Variants in USP3 observed in about 807,000 individuals in gnomAD.
The protein encoded by USP3 is ubiquitin carboxyl-terminal hydrolase 3.
Under a neutral mutation model 72.3 loss-of-function variants are expected in USP3, and 20 were observed. The observed-to-expected ratio is 0.28, with a 90% CI of 0.19 to 0.40. The LOEUF is 0.40. USP3 is among the 10% of genes least tolerant of loss of function. The pLI is 1.00. For missense variants in USP3, 479 were observed against 633.9 expected (o/e 0.76, Z 2.62); for synonymous variants, 222 against 225.3 (o/e 0.99, Z 0.13).
intron 5 of USP3, among the ~76,000 whole-genome samples, chr15:63,557,545 G>A (rs2066533181): frequency 6.6e-6 from 1 of 152,190 alleles, no homozygotes; most frequent in African/African-American, 2.4e-5. Context: ...GTACAGGCAT[G>A]AGCCACCACA....
intron 11 of USP3, among the ~76,000 whole-genome samples, chr15:63,577,922 C>A (rs1275164860): frequency 1.0e-5 from 1 of 98,684 alleles, no homozygotes; most frequent in South Asian, 2.9e-4. Flanking sequence ...GAGTGAGACC[C>A]TGCCTCAAAA....
intron 11 of USP3, among the ~76,000 whole-genome samples, chr15:63,577,808 A>C (rs1337127033): frequency 6.6e-6 from 1 of 152,078 alleles, no homozygotes; most frequent in African/African-American, 2.4e-5. Flanking sequence ...ATATGCCTAT[A>C]ATCCCAGCTT....
intron 1 of USP3, among the ~76,000 whole-genome samples, chr15:63,521,108 C>T (rs2065914513): frequency 6.7e-6 from 1 of 149,466 alleles, no homozygotes; most frequent in African/African-American, 2.5e-5. Flanking sequence ...TTTTTTCCCT[C>T]ACAAAAGATA....
intron 3 of USP3, chr15:63,542,005 C>G (rs539128324): frequency 2.1e-6 from 2 of 974,050 alleles, no homozygotes; most frequent in Non-Finnish European, 2.4e-6. Context: ...TGTTTCTTTA[C>G]TGTTGCATAA....
chr15:63,520,725 G>C (rs538621586), intron 1 of USP3, among the ~76,000 whole-genome samples: 1 of 151,590 alleles, frequency 6.6e-6, no homozygotes, highest in Admixed American at 6.6e-5. Context: ...CACCATGTCC[G>C]GCCAATTTTT....
At chr15:63,517,556 G>A (rs1300224489) in intron 1 of USP3, among the ~76,000 whole-genome samples, 1 of 152,218 alleles carries the variant, frequency 6.6e-6, no homozygotes, top group Non-Finnish European at 1.5e-5. Context: ...CTTGTCCACA[G>A]TGGGCTTCAC....
In USP3 at chr15:63,570,633, T is replaced by C. The variant is rs758663073; in HGVS notation, c.908+54T>C. ...GGAGGGCCTCAGACATTTCTTTTGG[T>C]GTTAATTATGTGTTAGATTTATAAC... On this transcript the variant is annotated intron_variant, in intron 9 of 14. Coordinates refer to ENST00000380324, the MANE Select transcript of USP3 (RefSeq NM_006537.4). The surrounding 1 kb of genome is among the most constrained non-coding windows in gnomAD (Gnocchi z 4.4). 3 of 1,551,990 alleles carry C rather than the reference T, an allele frequency of 1.9e-6. No homozygotes were observed. The highest frequency in any genetic ancestry group is 1.3e-5 in the South Asian group (1 of 79,926).
At chr15:63,565,291 TTTC>T (rs1452575011) in intron 8 of USP3, among the ~76,000 whole-genome samples, 1 of 152,192 alleles carries the variant, frequency 6.6e-6, no homozygotes, top group Non-Finnish European at 1.5e-5. Flanking sequence ...AAGCCTATTC[TTTC>T]TTTTTTTTCC....
At chr15:63,536,224 C>G (rs1306879526) in intron 2 of USP3, among the ~76,000 whole-genome samples, 1 of 152,132 alleles carries the variant, frequency 6.6e-6, no homozygotes, top group Non-Finnish European at 1.5e-5. Context: ...TGGATTATTT[C>G]TAAACAAACA....
At chr15:63,548,933 A>T (rs1595737605) in intron 3 of USP3, among the ~76,000 whole-genome samples, 1 of 152,354 alleles carries the variant, frequency 6.6e-6, no homozygotes, top group South Asian at 2.1e-4. Context: ...ATTTTGGAGC[A>T]GGTAGTATCT....
rs1412449387 is a variant in USP3, at chr15:63,544,045, A to T, written c.284+6889A>T. On this transcript the variant is annotated intron_variant, in intron 3 of 14. Transcript: ENST00000380324. This position sits in a 1 kb window ranked among gnomAD's most constrained non-coding sequence, Gnocchi z 4.2. ...GGCAACACAGGGAGACACTGTCTTT[A>T]AAAAAAAAAAAAAAGGAAATTAGTT... Among the ~76,000 whole-genome samples, 5 of 132,332 alleles carry T rather than the reference A, an allele frequency of 3.8e-5. No individual in the cohort carries two copies. The highest frequency in any genetic ancestry group is 2.1e-4 in the East Asian group (1 of 4,656). 86.8% of individuals were successfully genotyped at this position (132,332 alleles called of 152,430 possible).
rs182742580 is a variant in USP3 at position 63,523,065 on chromosome 15, G to A, written c.92-9582G>A. Reference sequence around the variant, plus strand: ...TCCTGAAGTATTTTACATTAGATACGTAAAATTTAATGATTCTGACATTTA... The same window carrying A: ...TCCTGAAGTATTTTACATTAGATACATAAAATTTAATGATTCTGACATTTA... On this transcript the variant is annotated intron_variant, in intron 1 of 14. Coordinates refer to ENST00000380324, the MANE Select transcript of USP3 (RefSeq NM_006537.4). 1.6e-4 allele frequency among the ~76,000 whole-genome samples: 25 copies of A among 152,262 alleles called. No individual in the cohort carries two copies. The East Asian group carries it at 3.3e-3, about 20-fold the overall frequency.
chr15:63,510,227 G>A (rs769498382), intron 1 of USP3, among the ~76,000 whole-genome samples: 9 of 152,144 alleles, frequency 5.9e-5, no homozygotes, highest in Admixed American at 1.3e-4. Flanking sequence ...GAGTAATTTA[G>A]TGTGTAGCTC....
intron 3 of USP3, among the ~76,000 whole-genome samples, chr15:63,547,834 G>GGCAT (rs2066367533): frequency 9.0e-6 from 1 of 110,904 alleles, no homozygotes; most frequent in African/African-American, 3.7e-5. Context: ...GAGAGAGAGA[G>GGCAT]AGGGAGGGAG....
At chr15:63,546,267 A>G (rs918769766) in intron 3 of USP3, among the ~76,000 whole-genome samples, 1 of 152,164 alleles carries the variant, frequency 6.6e-6, no homozygotes, top group Non-Finnish European at 1.5e-5. Flanking sequence ...AGCTTTTTCA[A>G]ATACTATGGA....
chr15:63,516,473 T>C (rs2065852142), intron 1 of USP3, among the ~76,000 whole-genome samples: 1 of 152,192 alleles, frequency 6.6e-6, no homozygotes, highest in African/African-American at 2.4e-5. Context: ...GAGGTAATTT[T>C]TTTTTCTCTA....
chr15:63,532,892 G>A (rs770228976), intron 2 of USP3, among the ~76,000 whole-genome samples, 185 bp downstream of exon 2: 25 of 152,028 alleles, frequency 1.6e-4, no homozygotes, highest in Non-Finnish European at 3.5e-4. Context: ...AAACATCTAG[G>A]GGAGAAAAAC....
At chr15:63,578,983 T>TA (rs1207705371) in intron 11 of USP3, among the ~76,000 whole-genome samples, 1 of 152,076 alleles carries the variant, frequency 6.6e-6, no homozygotes. Context: ...CCTCAATTTT[T>TA]AAAAAATCAA....
intron 1 of USP3, among the ~76,000 whole-genome samples, chr15:63,512,341 TTCC>T (rs1346975025): frequency 1.4e-5 from 1 of 72,572 alleles, no homozygotes; most frequent in African/African-American, 4.3e-5. Context: ...CTTCCTCCTC[TTCC>T]TCCTCTTCCT....
Sources: gnomAD v4.1 joint callset for allele counts (sites outside exome capture counted in the v4.1 genomes callset) on GRCh38, gnomAD v4.1.1 for gene constraint, Gnocchi (gnomAD v3.1) non-coding constraint, MANE v1.5 for transcripts, NCBI Gene and HGNC (gene_info 2026-07-23, HGNC 2026-07-21) for gene names.